CNTNAP5: variants seen among roughly 807,000 people sequenced by gnomAD.
The protein encoded by CNTNAP5 is contactin-associated protein-like 5.
In CNTNAP5, 72 loss-of-function variants were observed where a neutral mutation model predicts 150.2. The observed-to-expected ratio is 0.48, with a 90% CI of 0.40 to 0.58. The LOEUF (loss-of-function observed/expected upper bound fraction) is 0.58. CNTNAP5 is among the 20% of genes least tolerant of loss of function. The pLI is 0.00. For missense variants in CNTNAP5, 1,636 were observed against 1,626.2 expected (o/e 1.01, Z -0.10); for synonymous variants, 672 against 619.8 (o/e 1.08, Z -1.25).
intron 7 of CNTNAP5, 22 bp downstream of exon 7, chr2:124,474,904 G>C (rs1693603356): frequency 1.3e-6 from 2 of 1,580,494 alleles, no homozygotes; most frequent in East Asian, 4.6e-5. Flanking sequence ...CATCTGTTTT[G>C]TCTTGATGGT....
At chr2:124,070,058 G>T (rs910236961) in intron 1 of CNTNAP5, among the ~76,000 whole-genome samples, 1 of 152,050 alleles carries the variant, frequency 6.6e-6, no homozygotes, top group Non-Finnish European at 1.5e-5. Context: ...AAGTTAAAAT[G>T]CTCAGTTTTT....
intron 2 of CNTNAP5, among the ~76,000 whole-genome samples, chr2:124,223,909 T>C (rs1686392697): frequency 6.6e-6 from 1 of 151,324 alleles, no homozygotes; most frequent in African/African-American, 2.4e-5. Flanking sequence ...CATCCTCTAG[T>C]GCATATTCCA....
rs150824152 is a variant in CNTNAP5, at chr2:124,385,919, C to T, written c.382-31524C>T. Reference sequence around the variant, plus strand: ...TTTTGTTTGTTTGTTTGTTTTCGGCCGTTTGGCTATGGATTCCTTCAGAGT... The same window carrying T: ...TTTTGTTTGTTTGTTTGTTTTCGGCTGTTTGGCTATGGATTCCTTCAGAGT... On this transcript the variant is annotated intron_variant, in intron 3 of 23. Transcript: ENST00000682447. 1.4e-3 allele frequency among the ~76,000 whole-genome samples: 206 copies of T among 152,018 alleles called. 2 individuals are homozygous for T. Among genetic ancestry groups the T allele is most frequent in the African/African-American group, 4.6e-3 (191 of 41,458 alleles).
chr2:124,084,306 A>G (rs1682628380), intron 1 of CNTNAP5, among the ~76,000 whole-genome samples: 2 of 150,236 alleles, frequency 1.3e-5, no homozygotes, highest in South Asian at 4.2e-4. Context: ...TCGCTTTGTT[A>G]CCCAGGCTGG....
At chr2:124,174,262 T>C (rs1558786756) in intron 1 of CNTNAP5, among the ~76,000 whole-genome samples, 1 of 152,206 alleles carries the variant, frequency 6.6e-6, no homozygotes, top group Non-Finnish European at 1.5e-5. Flanking sequence ...GATCAAGTAG[T>C]AATTTTGACT....
At chr2:124,694,472 T>A (rs549726320) in intron 13 of CNTNAP5, among the ~76,000 whole-genome samples, 2 of 152,248 alleles carry the variant, frequency 1.3e-5, no homozygotes, top group South Asian at 4.1e-4. Flanking sequence ...TCTGAAATGA[T>A]CTTCATAGCT....
rs1694993718 is a variant in CNTNAP5, at chr2:124,527,306, A to G, written c.1499A>G (p.Asp500Gly). Residue 500 changes from aspartate to glycine, a missense_variant, in exon 10 of 24, where the codon GAT (aspartate) becomes GGT (glycine). Asp to Gly is a moderately conservative substitution (Grantham distance 94). Transcript: ENST00000682447. ...ACAGGGTGCCCCGACAATCTCACCG[A>G]TTCCCAATGTTTAAATCCCATTAAG... ...YFGGCPDNLT[D>G]SQCLNPIKAF... 6.2e-7 allele frequency: 1 copy of G among 1,613,412 alleles called. No individual in the cohort carries two copies. Among genetic ancestry groups the G allele is most frequent in the Admixed American group, 1.7e-5 (1 of 59,974 alleles).
chr2:124,218,890 C>G (rs983670408), intron 1 of CNTNAP5, among the ~76,000 whole-genome samples: 1 of 152,102 alleles, frequency 6.6e-6, no homozygotes, highest in Non-Finnish European at 1.5e-5. Context: ...TTGTTTACAT[C>G]TCTATATTTC....
intron 3 of CNTNAP5, among the ~76,000 whole-genome samples, chr2:124,297,679 G>A (rs1688469172): frequency 6.6e-6 from 1 of 151,848 alleles, no homozygotes; most frequent in African/African-American, 2.4e-5. Flanking sequence ...CATATAGTCT[G>A]CCTTCAAAGG....
intron 3 of CNTNAP5, among the ~76,000 whole-genome samples, chr2:124,257,903 C>T (rs956452344): frequency 6.6e-6 from 1 of 152,146 alleles, no homozygotes; most frequent in South Asian, 2.1e-4. Context: ...TCTCATTCCA[C>T]AGTGATAAAA....
chr2:124,914,173 A>G lies in CNTNAP5; in HGVS notation c.3809A>G (p.His1270Arg), dbSNP rs1017236401. ...TRFLYQHKQS[H>R]RTSQMKEKEY... ...TTCCTCTACCAGCACAAGCAGTCAC[A>G]TCGTACGAGCCAGATGAAGGAGAAG... The change falls in exon 24 of 24, where the codon CAT becomes CGT. Residue 1270 changes from histidine to arginine, a missense_variant. Transcript: ENST00000682447. 1.9e-6 allele frequency: 3 copies of G among 1,612,502 alleles called. No individual in the cohort carries two copies. The highest frequency in any genetic ancestry group is 1.6e-4 in the Middle Eastern group (1 of 6,074).
intron 9 of CNTNAP5, among the ~76,000 whole-genome samples, chr2:124,526,090 T>A (rs370959736): frequency 9.2e-5 from 14 of 152,316 alleles, no homozygotes; most frequent in African/African-American, 3.4e-4. Flanking sequence ...TGTTTGTAAA[T>A]AATTCTGATA....
chr2:124,227,674 G>GTA (rs897220896), intron 2 of CNTNAP5, among the ~76,000 whole-genome samples: 2 of 150,748 alleles, frequency 1.3e-5, no homozygotes, highest in African/African-American at 4.9e-5. Context: ...GTGTGTGTGT[G>GTA]TGTGTATTAA....
chr2:124,128,735 A>C (rs1230133427), intron 1 of CNTNAP5, among the ~76,000 whole-genome samples: 1 of 151,940 alleles, frequency 6.6e-6, no homozygotes, highest in Non-Finnish European at 1.5e-5. Context: ...GCAGCCATAA[A>C]AAAGGGTGAG....
Position 124,174,753 on chromosome 2 carries a change from C to T in CNTNAP5, c.83-46952C>T, listed in dbSNP as rs1174086039. Among the ~76,000 whole-genome samples, 5 of 152,156 alleles carry T rather than the reference C, an allele frequency of 3.3e-5. No homozygotes were observed. The South Asian group carries it at 8.3e-4, about 25-fold the overall frequency. On this transcript the variant is annotated intron_variant, in intron 1 of 23. Transcript: ENST00000682447. ...GAGGATTTACTCAAATTTTGAAAAACGTTCTACTTTGGATAAAAGGCTATC... is the reference window on the plus strand; with the variant it reads ...GAGGATTTACTCAAATTTTGAAAAATGTTCTACTTTGGATAAAAGGCTATC...
intron 6 of CNTNAP5, among the ~76,000 whole-genome samples, chr2:124,465,485 A>C (rs1693356582): frequency 6.6e-6 from 1 of 152,202 alleles, no homozygotes; most frequent in South Asian, 2.1e-4. Context: ...ATTGCCAAAA[A>C]AGACAATGAG....
At chr2:124,670,193 TTC>T (rs1254082511) in intron 13 of CNTNAP5, among the ~76,000 whole-genome samples, 1 of 96,896 alleles carries the variant, frequency 1.0e-5, no homozygotes, top group Non-Finnish European at 2.3e-5. Context: ...CTCTTTCTCT[TTC>T]TCTCTCTTTC....
At chr2:124,768,402 G>A (rs1281346251) in intron 16 of CNTNAP5, among the ~76,000 whole-genome samples, 2 of 150,824 alleles carry the variant, frequency 1.3e-5, no homozygotes, top group African/African-American at 4.9e-5. Flanking sequence ...GTATCATACT[G>A]AGAATATTAC....
intron 3 of CNTNAP5, among the ~76,000 whole-genome samples, chr2:124,252,835 A>G (rs1418413428): frequency 6.6e-6 from 1 of 152,140 alleles, no homozygotes; most frequent in East Asian, 1.9e-4. Flanking sequence ...ATCAATAAGA[A>G]TATCTCATAA....
Sources: gnomAD v4.1 joint callset for allele counts (sites outside exome capture counted in the v4.1 genomes callset) on GRCh38, gnomAD v4.1.1 for gene constraint, MANE v1.5 for transcripts, NCBI Gene and HGNC (gene_info 2026-07-23, HGNC 2026-07-21) for gene names.